The following ATXN7L1 variants were observed in gnomAD, a reference collection of about 807,000 sequenced individuals.
ATXN7L1 encodes ataxin 7 like 1.
Under a neutral mutation model 70.8 loss-of-function variants are expected in ATXN7L1, and 15 were observed. The observed-to-expected ratio is 0.21, with a 90% confidence interval of 0.14 to 0.33. The LOEUF is 0.33. Ranked by LOEUF, ATXN7L1 falls within the 10% of genes least tolerant of loss-of-function variation. The pLI is 1.00. For synonymous variants in ATXN7L1, 440 were observed against 445.1 expected (o/e 0.99, Z 0.14); for missense variants, 975 against 1,097.1 (o/e 0.89, Z 1.57).
chr7:105,671,206 C>T (rs1214672192), intron 3 of ATXN7L1, among the ~76,000 whole-genome samples: 5 of 151,302 alleles, frequency 3.3e-5, no homozygotes, highest in Non-Finnish European at 7.4e-5. Context: ...TCACTTGAAC[C>T]CGGGAGGCGG....
chr7:105,726,166 T>A (rs60119913), intron 3 of ATXN7L1, among the ~76,000 whole-genome samples: 2,834 of 152,318 alleles, frequency 0.019, 96 homozygotes, highest in African/African-American at 0.063. Flanking sequence ...CCTCCCAAAG[T>A]GCTAGGATTA....
At chr7:105,731,647 C>T (rs370101256) in intron 3 of ATXN7L1, among the ~76,000 whole-genome samples, 43 of 151,054 alleles carry the variant, frequency 2.8e-4, no homozygotes, top group Middle Eastern at 3.4e-3. Flanking sequence ...ACTTTGGTGG[C>T]GGGTCTTGAA....
chr7:105,863,936 C>A (rs1817006051), intron 2 of ATXN7L1, among the ~76,000 whole-genome samples: 1 of 152,066 alleles, frequency 6.6e-6, no homozygotes, highest in Non-Finnish European at 1.5e-5. Context: ...AAATTTAAAA[C>A]ACAAACAAAA....
intron 3 of ATXN7L1, among the ~76,000 whole-genome samples, chr7:105,702,536 C>G (rs1289853158): frequency 7.2e-6 from 1 of 139,052 alleles, no homozygotes; most frequent in East Asian, 2.1e-4. Flanking sequence ...TACACACACA[C>G]AGACCCACAA....
chr7:105,675,884 CTT>C (rs371890415), intron 3 of ATXN7L1, among the ~76,000 whole-genome samples: 22,807 of 142,770 alleles, frequency 0.16, 1,876 homozygotes, highest in South Asian at 0.33. Flanking sequence ...TTCATTCACT[CTT>C]TTTTTTTTTT....
chr7:105,693,245 G>A (rs1299309163), intron 3 of ATXN7L1, among the ~76,000 whole-genome samples: 2 of 152,118 alleles, frequency 1.3e-5, no homozygotes, highest in African/African-American at 4.8e-5. Context: ...AGGCTGGAGT[G>A]CAGTGGTGCC....
rs534849414 is a variant in ATXN7L1 at position 105,652,306 on chromosome 7, C to T, written c.579-9185G>A. On this transcript the variant is annotated intron_variant, in intron 4 of 11. Coordinates refer to ENST00000419735, the MANE Select transcript of ATXN7L1 (RefSeq NM_020725.2). Reference sequence around the variant, plus strand: ...AGTGCCTTTCCTCTGCAAATGAGAACGAAGAGCCACACAATTCCAATGAAT... The same window carrying T: ...AGTGCCTTTCCTCTGCAAATGAGAATGAAGAGCCACACAATTCCAATGAAT... 3.9e-5 allele frequency among the ~76,000 whole-genome samples: 6 copies of T among 152,178 alleles called. No homozygotes were observed. In the South Asian group the frequency reaches 6.2e-4, roughly 16 times the overall value.
At chr7:105,676,341 G>C (rs1316464236) in intron 3 of ATXN7L1, among the ~76,000 whole-genome samples, 1 of 152,116 alleles carries the variant, frequency 6.6e-6, no homozygotes, top group Non-Finnish European at 1.5e-5. Flanking sequence ...TTAAACACAG[G>C]AGTCACCACA....
intron 3 of ATXN7L1, among the ~76,000 whole-genome samples, chr7:105,767,806 C>T (rs768745798): frequency 4.3e-4 from 66 of 152,172 alleles, no homozygotes; most frequent in Admixed American, 1.0e-3. Flanking sequence ...ATAGAAAGCT[C>T]CTTGAAACCC....
At chr7:105,664,771 T>C (rs1203154636) in intron 4 of ATXN7L1, among the ~76,000 whole-genome samples, 1 of 151,784 alleles carries the variant, frequency 6.6e-6, no homozygotes, top group Non-Finnish European at 1.5e-5. Flanking sequence ...TTCACTGTGT[T>C]GCCCAGGCTG....
chr7:105,705,557 C>T (rs1394536528), intron 3 of ATXN7L1, among the ~76,000 whole-genome samples: 8 of 152,204 alleles, frequency 5.3e-5, no homozygotes, highest in South Asian at 2.1e-4. Flanking sequence ...CAGAAGGATC[C>T]GTCCCCAGGA....
At chr7:105,755,087 G>A (rs574194602) in intron 3 of ATXN7L1, among the ~76,000 whole-genome samples, 28 of 152,142 alleles carry the variant, frequency 1.8e-4, no homozygotes, top group Non-Finnish European at 3.8e-4. Context: ...CTCTTTTTTG[G>A]GTCTTCCTTC....
chr7:105,685,015 C>T (rs1162056568), intron 3 of ATXN7L1, among the ~76,000 whole-genome samples: 2 of 150,610 alleles, frequency 1.3e-5, no homozygotes, highest in Non-Finnish European at 3.0e-5. Flanking sequence ...ATGAGCAGTC[C>T]AACACTGCCT....
intron 3 of ATXN7L1, among the ~76,000 whole-genome samples, chr7:105,706,554 C>A (rs1229020540): frequency 6.6e-6 from 1 of 152,122 alleles, no homozygotes; most frequent in African/African-American, 2.4e-5. Context: ...ACACCACCAC[C>A]ACCACCACCA....
intron 4 of ATXN7L1, among the ~76,000 whole-genome samples, chr7:105,652,891 C>T (rs980210680): frequency 6.6e-6 from 1 of 152,226 alleles, no homozygotes; most frequent in Non-Finnish European, 1.5e-5. Context: ...GAGGAAAAGC[C>T]CTCAGGAGCA....
At chr7:105,834,888 A>G (rs1052188325) in intron 2 of ATXN7L1, among the ~76,000 whole-genome samples, 3 of 152,190 alleles carry the variant, frequency 2.0e-5, no homozygotes, top group Non-Finnish European at 4.4e-5. Flanking sequence ...ACGAAACGCA[A>G]TCTAGCAGCC....
chr7:105,834,134 C>CT (rs1272931214), intron 2 of ATXN7L1, among the ~76,000 whole-genome samples: 1 of 152,152 alleles, frequency 6.6e-6, no homozygotes, highest in African/African-American at 2.4e-5. Flanking sequence ...ACTCTGCCTC[C>CT]TAGGTTCAAG....
intron 3 of ATXN7L1, among the ~76,000 whole-genome samples, chr7:105,669,594 C>T (rs962129095): frequency 1.4e-4 from 21 of 152,102 alleles, no homozygotes; most frequent in African/African-American, 5.1e-4. Flanking sequence ...TGGGAACAAG[C>T]TTGTCCCCTA....
chr7:105,836,011 C>A (rs955538431), intron 2 of ATXN7L1, among the ~76,000 whole-genome samples: 1 of 152,142 alleles, frequency 6.6e-6, no homozygotes, highest in African/African-American at 2.4e-5. Context: ...ACTGTGAGAA[C>A]AAGCTTGCTC....
Sources: gnomAD v4.1 joint callset for allele counts (sites outside exome capture counted in the v4.1 genomes callset) on GRCh38, gnomAD v4.1.1 for gene constraint, MANE v1.5 for transcripts, NCBI Gene and HGNC (gene_info 2026-07-23, HGNC 2026-07-21) for gene names.